Variants in ARHGAP15 observed in about 807,000 individuals in gnomAD.
ARHGAP15 encodes the protein Rho GTPase activating protein 15, also known as rho GTPase-activating protein 15.
ARHGAP15 carries 51 observed loss-of-function variants against 63.7 expected under a neutral mutation model. That is an observed-to-expected ratio of 0.80 (90% confidence interval 0.64 to 1.01). ARHGAP15 has a LOEUF of 1.01. ARHGAP15 is among the 50% of genes least tolerant of loss of function. ARHGAP15 has a pLI of 0.00. For missense variants in ARHGAP15, 560 were observed against 564.6 expected (o/e 0.99, Z 0.08); for synonymous variants, 191 against 193.8 (o/e 0.99, Z 0.12).
At chr2:143,321,970 T>C (rs974765854) in intron 6 of ARHGAP15, among the ~76,000 whole-genome samples, 2 of 152,236 alleles carry the variant, frequency 1.3e-5, no homozygotes, top group Admixed American at 6.5e-5. Flanking sequence ...GGGGACTTGC[T>C]GATAACCTCC....
intron 12 of ARHGAP15, among the ~76,000 whole-genome samples, chr2:143,675,276 C>T (rs1020871181): frequency 6.6e-6 from 1 of 152,192 alleles, no homozygotes; most frequent in Non-Finnish European, 1.5e-5. Context: ...CATCTACAGT[C>T]ACTTCCTCCA....
chr2:143,231,170 A>C (rs1290602229), intron 5 of ARHGAP15, among the ~76,000 whole-genome samples: 2 of 151,060 alleles, frequency 1.3e-5, no homozygotes, highest in Admixed American at 1.3e-4. Flanking sequence ...GATACCTGCC[A>C]ACAGAATTAG....
At chr2:143,602,266 C>T (rs921225783) in intron 11 of ARHGAP15, among the ~76,000 whole-genome samples, 7 of 152,072 alleles carry the variant, frequency 4.6e-5, no homozygotes, top group Admixed American at 4.6e-4. Context: ...AAGAAGATAG[C>T]CCTGGAGTGA....
chr2:143,200,589 T>G (rs902786171), intron 2 of ARHGAP15, among the ~76,000 whole-genome samples: 2 of 152,024 alleles, frequency 1.3e-5, no homozygotes, highest in African/African-American at 4.8e-5. Context: ...ATGCCCCTTC[T>G]TCCCTCCTTC....
intron 6 of ARHGAP15, among the ~76,000 whole-genome samples, chr2:143,268,530 C>T (rs1289615283): frequency 6.6e-6 from 1 of 152,076 alleles, no homozygotes; most frequent in Non-Finnish European, 1.5e-5. Flanking sequence ...TTGTATAAAT[C>T]ATTTTTTTTC....
At chr2:143,174,337 A>G (rs935440902) in intron 2 of ARHGAP15, among the ~76,000 whole-genome samples, 130 of 152,162 alleles carry the variant, frequency 8.5e-4, no homozygotes, top group Admixed American at 3.3e-4. Context: ...TAATAGTCAC[A>G]AAAAGCTAAA....
At position 143,282,159 on chromosome 2, in the gene ARHGAP15, C is replaced by T. The variant is rs535768040; in HGVS notation, c.474+31559C>T. On this transcript the variant is annotated intron_variant, in intron 6 of 13. Transcript: ENST00000295095. ...TGATATATGTAAAGTTTTATTTCCC[C>T]CTAAAAGTCTATAGACTTTAATCTG... Among the ~76,000 whole-genome samples, 241 of 151,986 alleles carry T rather than the reference C, an allele frequency of 1.6e-3. 1 individual carries two copies. Among genetic ancestry groups the T allele is most frequent in the African/African-American group, 4.8e-3 (201 of 41,488 alleles).
intron 6 of ARHGAP15, among the ~76,000 whole-genome samples, chr2:143,376,724 A>G (rs1686826506): frequency 6.6e-6 from 1 of 151,882 alleles, no homozygotes; most frequent in African/African-American, 2.4e-5. Context: ...TCATACTTTA[A>G]TTTACTCCCA....
At chr2:143,525,215 T>G (rs1384146675) in intron 10 of ARHGAP15, among the ~76,000 whole-genome samples, 1 of 152,170 alleles carries the variant, frequency 6.6e-6, no homozygotes, top group African/African-American at 2.4e-5. Context: ...GTGCAATTTG[T>G]ACTGTTAAGT....
At chr2:143,353,602 A>G (rs771206880) in intron 6 of ARHGAP15, among the ~76,000 whole-genome samples, 4 of 152,194 alleles carry the variant, frequency 2.6e-5, no homozygotes, top group Non-Finnish European at 2.9e-5. Flanking sequence ...TACATGAGAC[A>G]GGAGATACAC....
intron 13 of ARHGAP15, among the ~76,000 whole-genome samples, chr2:143,766,227 G>A (rs555900685): frequency 6.6e-6 from 1 of 152,172 alleles, no homozygotes; most frequent in Non-Finnish European, 1.5e-5. Flanking sequence ...TAGTCTGAAA[G>A]TATGAAATGG....
At chr2:143,759,316 G>A (rs1307834191) in intron 13 of ARHGAP15, among the ~76,000 whole-genome samples, 1 of 152,048 alleles carries the variant, frequency 6.6e-6, no homozygotes, top group Admixed American at 6.6e-5. Flanking sequence ...TACCACGAAA[G>A]CATATGGCAC....
intron 1 of ARHGAP15, among the ~76,000 whole-genome samples, chr2:143,145,558 T>C (rs1689547656): frequency 6.6e-6 from 1 of 152,054 alleles, no homozygotes; most frequent in Non-Finnish European, 1.5e-5. Flanking sequence ...AAATCTGAAC[T>C]TCTCAGTATT....
At chr2:143,150,836 G>A (rs1169980669) in intron 1 of ARHGAP15, among the ~76,000 whole-genome samples, 1 of 151,886 alleles carries the variant, frequency 6.6e-6, no homozygotes, top group Non-Finnish European at 1.5e-5. Context: ...CGTGTTCTAG[G>A]AAGAACAAGG....
intron 6 of ARHGAP15, among the ~76,000 whole-genome samples, chr2:143,304,348 G>T (rs979512187): frequency 2.0e-5 from 3 of 151,990 alleles, no homozygotes; most frequent in African/African-American, 7.2e-5. Flanking sequence ...GCAAACTATT[G>T]CAAGGACAAA....
intron 6 of ARHGAP15, among the ~76,000 whole-genome samples, chr2:143,256,609 GACAATAGTGACACTTATTACTCCCC>G: frequency 6.6e-6 from 1 of 152,012 alleles, no homozygotes; most frequent in Non-Finnish European, 1.5e-5. Flanking sequence ...GTGAAAGAGG[GACAATAGTGACACTTATTACTCCCC>G]TACTGAGGTA....
At chr2:143,738,722 C>T (rs902885516) in intron 13 of ARHGAP15, among the ~76,000 whole-genome samples, 2 of 152,176 alleles carry the variant, frequency 1.3e-5, no homozygotes, top group Admixed American at 6.5e-5. Flanking sequence ...CATGAATTGA[C>T]TGAGCTCTAA....
intron 9 of ARHGAP15, among the ~76,000 whole-genome samples, chr2:143,513,171 C>T (rs1406162790): frequency 6.6e-6 from 1 of 152,190 alleles, no homozygotes; most frequent in Non-Finnish European, 1.5e-5. Context: ...AACATCTGCC[C>T]TCTAGCTAGT....
intron 6 of ARHGAP15, among the ~76,000 whole-genome samples, chr2:143,255,990 G>A (rs761214872): frequency 6.6e-6 from 1 of 152,084 alleles, no homozygotes; most frequent in Non-Finnish European, 1.5e-5. Flanking sequence ...GAACACATGG[G>A]TCTGGGGATG....
Sources: allele counts gnomAD v4.1 joint callset (sites outside exome capture counted in the v4.1 genomes callset), GRCh38; gene constraint gnomAD v4.1.1; transcripts MANE v1.5; gene names NCBI Gene and HGNC (gene_info 2026-07-23, HGNC 2026-07-21).